Variants in ARHGAP15 observed in about 807,000 individuals in gnomAD.
ARHGAP15 encodes Rho GTPase activating protein 15.
In ARHGAP15, 51 loss-of-function variants were observed where a neutral mutation model predicts 63.7. The ratio of observed to expected loss-of-function variants is 0.80; its 90% CI spans 0.64 to 1.01. ARHGAP15 has a LOEUF of 1.01. ARHGAP15 is among the 50% of genes least tolerant of loss of function. ARHGAP15 has a pLI of 0.00. For missense variants in ARHGAP15, 560 were observed against 564.6 expected, an observed-to-expected ratio of 0.99 and a Z score of 0.08; for synonymous variants, 191 against 193.8, an observed-to-expected ratio of 0.99 and a Z score of 0.12.
intron 6 of ARHGAP15, among the ~76,000 whole-genome samples, chr2:143,366,973 A>T (rs1686322199): frequency 6.6e-6 from 1 of 152,084 alleles, no homozygotes; most frequent in Admixed American, 6.6e-5. Context: ...AGTGTCCTGT[A>T]TCATAATTGG....
chr2:143,594,873 TG>T (rs759840873), intron 11 of ARHGAP15, among the ~76,000 whole-genome samples: 17 of 152,262 alleles, frequency 1.1e-4, no homozygotes, highest in Admixed American at 6.5e-4. Context: ...GCTTAAATAA[TG>T]TTAAGGTTAT....
intron 13 of ARHGAP15, among the ~76,000 whole-genome samples, chr2:143,717,173 C>T (rs1036261983): frequency 6.6e-6 from 1 of 152,240 alleles, no homozygotes; most frequent in Non-Finnish European, 1.5e-5. Context: ...ATGGAAAGCA[C>T]TGAACCCAGA....
At chr2:143,489,831 T>G (rs534532656) in intron 9 of ARHGAP15, among the ~76,000 whole-genome samples, 2 of 152,162 alleles carry the variant, frequency 1.3e-5, no homozygotes, top group African/African-American at 4.8e-5. Flanking sequence ...GGCCAGATAA[T>G]CTATATCATA....
intron 8 of ARHGAP15, among the ~76,000 whole-genome samples, chr2:143,482,587 A>G (rs1692131038): frequency 6.6e-6 from 1 of 152,154 alleles, no homozygotes; most frequent in South Asian, 2.1e-4. Context: ...GCTTTCCTTA[A>G]TTGGTTATGT....
In ARHGAP15 at chr2:143,313,956, CT is replaced by C. The variant is rs35253811; in HGVS notation, c.474+63367del. Among the ~76,000 whole-genome samples the C allele has an allele frequency of 1.0e-3, 151 of 146,714 alleles. No individual in the cohort carries two copies. The Middle Eastern group carries it at 0.021, about 20-fold the overall frequency. On this transcript the variant is annotated intron_variant, in intron 6 of 13. Transcript: ENST00000295095. ...AGACTTAAGGTGGATGAGGAGAGGG[CT>C]TTTTTTTTTTCTTGTTTTGTTTTTT...
intron 6 of ARHGAP15, among the ~76,000 whole-genome samples, chr2:143,341,122 C>G (rs1171855089): frequency 6.6e-5 from 10 of 152,056 alleles, no homozygotes; most frequent in Non-Finnish European, 1.0e-4. Context: ...CCAGCGGGTC[C>G]TGCTTTTGTG....
At chr2:143,618,053 G>T (rs976120662) in intron 11 of ARHGAP15, among the ~76,000 whole-genome samples, 2 of 152,176 alleles carry the variant, frequency 1.3e-5, no homozygotes, top group African/African-American at 4.8e-5. Flanking sequence ...GCTTTAGCCA[G>T]TGCAGCACAG....
chr2:143,667,884 A>G (rs1440040630), intron 12 of ARHGAP15, among the ~76,000 whole-genome samples: 2 of 152,092 alleles, frequency 1.3e-5, no homozygotes, highest in Admixed American at 1.3e-4. Flanking sequence ...TCTACTCAGG[A>G]AGCTGAGATG....
chr2:143,273,460 C>CA (rs150223724), intron 6 of ARHGAP15, among the ~76,000 whole-genome samples: 6,757 of 151,004 alleles, frequency 0.045, 491 homozygotes, highest in African/African-American at 0.15. Context: ...ATTGTAAAGT[C>CA]AAAAAAAATG....
chr2:143,259,894 AC>A (rs1680631023), intron 6 of ARHGAP15, among the ~76,000 whole-genome samples: 1 of 152,188 alleles, frequency 6.6e-6, no homozygotes, highest in South Asian at 2.1e-4. Flanking sequence ...ATAAGTATAT[AC>A]CCAAATATTA....
At position 143,556,476 on chromosome 2, in the gene ARHGAP15, G is replaced by T. The variant is rs767732420; in HGVS notation, c.994G>T (p.Val332Phe). The change falls in exon 11 of 14, where the codon GTC becomes TTC. Residue 332 changes from valine (V) to phenylalanine (F), a missense_variant. Coordinates refer to ENST00000295095, the MANE Select transcript of ARHGAP15 (RefSeq NM_018460.4). ...AACAATACAGAAGTTAAGATTTATT[G>T]TCAACCAAGGTAAGTGATTTCCACT... ...LATIQKLRFI[V>F]NQEEKLNLDD... 1.2e-6 allele frequency: 2 copies of T among 1,610,948 alleles called. No homozygotes were observed. The highest frequency in any genetic ancestry group is 2.2e-5 in the South Asian group (2 of 90,732).
intron 4 of ARHGAP15, among the ~76,000 whole-genome samples, chr2:143,219,293 GGCTATGCCATATA>G (rs1484777090): frequency 6.6e-6 from 1 of 152,160 alleles, no homozygotes; most frequent in East Asian, 1.9e-4. Context: ...AGGAGCAATA[GGCTATGCCATATA>G]GCCTAGCGTG....
chr2:143,278,069 A>G (rs1208598938), intron 6 of ARHGAP15, among the ~76,000 whole-genome samples: 1 of 152,142 alleles, frequency 6.6e-6, no homozygotes, highest in African/African-American at 2.4e-5. Flanking sequence ...CAGACATTTT[A>G]TCCTATGTAG....
chr2:143,663,300 A>C (rs1239128337), intron 12 of ARHGAP15, among the ~76,000 whole-genome samples: 4 of 151,630 alleles, frequency 2.6e-5, no homozygotes, highest in Non-Finnish European at 5.9e-5. Context: ...CCAGAATTTC[A>C]TACCCAGCCA....
At chr2:143,539,228 C>T (rs1694927677) in intron 10 of ARHGAP15, among the ~76,000 whole-genome samples, 1 of 152,104 alleles carries the variant, frequency 6.6e-6, no homozygotes, top group Admixed American at 6.5e-5. Context: ...TAGTGATATC[C>T]CCTTTGTCAT....
intron 6 of ARHGAP15, among the ~76,000 whole-genome samples, chr2:143,401,447 C>A (rs1167891429): frequency 6.6e-6 from 1 of 151,988 alleles, no homozygotes; most frequent in Non-Finnish European, 1.5e-5. Flanking sequence ...ATATTACATA[C>A]AGCCACTGAT....
intron 12 of ARHGAP15, among the ~76,000 whole-genome samples, chr2:143,650,254 A>G (rs1681093314): frequency 6.6e-6 from 1 of 151,852 alleles, no homozygotes; most frequent in South Asian, 2.1e-4. Context: ...TACCTACCTG[A>G]GGTGGCACTA....
intron 6 of ARHGAP15, among the ~76,000 whole-genome samples, chr2:143,375,908 A>G (rs1383810495): frequency 2.0e-5 from 3 of 152,246 alleles, no homozygotes; most frequent in African/African-American, 7.2e-5. Flanking sequence ...AGTGTTTATG[A>G]GAAGCGCAAG....
chr2:143,503,897 G>A (rs1459423343), intron 9 of ARHGAP15, among the ~76,000 whole-genome samples: 1 of 152,308 alleles, frequency 6.6e-6, no homozygotes, highest in Non-Finnish European at 1.5e-5. Flanking sequence ...AGGTCCCCAG[G>A]AAGTGAGTAA....
Sources: gnomAD v4.1 joint callset for allele counts (sites outside exome capture counted in the v4.1 genomes callset) on GRCh38, gnomAD v4.1.1 for gene constraint, MANE v1.5 for transcripts, NCBI Gene and HGNC (gene_info 2026-07-23, HGNC 2026-07-21) for gene names.